The following DPP10 variants were observed in gnomAD, a reference collection of about 807,000 sequenced individuals.
DPP10 encodes inactive dipeptidyl peptidase 10.
DPP10 carries 33 observed loss-of-function variants against 120.9 expected under a neutral mutation model. The ratio of observed to expected loss-of-function variants is 0.27; its 90% CI spans 0.21 to 0.37. The LOEUF (loss-of-function observed/expected upper bound fraction) is 0.37, where lower values mean the gene tolerates loss of function less well. Ranked by LOEUF, DPP10 falls within the 10% of genes least tolerant of loss-of-function variation. DPP10 has a pLI of 1.00. For synonymous variants in DPP10, 337 were observed against 326.1 expected (o/e 1.03, Z -0.36); for missense variants, 816 against 942.8 (o/e 0.87, Z 1.76).
chr2:115,581,979 C>T (rs558976621), intron 5 of DPP10, among the ~76,000 whole-genome samples: 1 of 152,212 alleles, frequency 6.6e-6, no homozygotes, highest in African/African-American at 2.4e-5. Context: ...GGACAGAAGG[C>T]AGAGTGAGAG....
chr2:114,886,011 A>G (rs1027933383), intron 1 of DPP10, among the ~76,000 whole-genome samples: 1 of 152,230 alleles, frequency 6.6e-6, no homozygotes. Context: ...TGGAGCTGTT[A>G]TCATTAATGT....
intron 1 of DPP10, among the ~76,000 whole-genome samples, chr2:114,900,903 T>C (rs530650045): frequency 6.6e-6 from 1 of 152,304 alleles, no homozygotes; most frequent in African/African-American, 2.4e-5. Flanking sequence ...TGAAAAAAAC[T>C]ATGCATGTAT....
chr2:115,732,590 G>A (rs1208441397), intron 8 of DPP10, among the ~76,000 whole-genome samples: 1 of 151,994 alleles, frequency 6.6e-6, no homozygotes, highest in Non-Finnish European at 1.5e-5. Context: ...AATTAAATAC[G>A]ATATCAGATC....
At chr2:115,656,386 T>G (rs1172578766) in intron 5 of DPP10, among the ~76,000 whole-genome samples, 1 of 151,614 alleles carries the variant, frequency 6.6e-6, no homozygotes, top group Non-Finnish European at 1.5e-5. Flanking sequence ...GGTGCTAATT[T>G]TTTTTTATTC....
intron 5 of DPP10, among the ~76,000 whole-genome samples, chr2:115,617,289 T>TATATATATAC (rs67359999): frequency 0.33 from 44,147 of 135,450 alleles, 8,786 homozygotes; most frequent in Non-Finnish European, 0.44. Context: ...TATATATATA[T>TATATATATAC]ACACACATAG....
chr2:115,835,341 AG>A (rs1478967428), intron 21 of DPP10, among the ~76,000 whole-genome samples: 2 of 152,184 alleles, frequency 1.3e-5, no homozygotes, highest in African/African-American at 4.8e-5. Flanking sequence ...GACCAGGAAA[AG>A]CAAAACACAA....
At chr2:114,651,089 GC>G (rs1372909610) in intron 1 of DPP10, among the ~76,000 whole-genome samples, 4 of 152,086 alleles carry the variant, frequency 2.6e-5, no homozygotes, top group Non-Finnish European at 4.4e-5. Context: ...TCACCTAAAT[GC>G]CCTCCTTTCT....
At chr2:114,670,082 C>G (rs1201479551) in intron 1 of DPP10, among the ~76,000 whole-genome samples, 3 of 152,236 alleles carry the variant, frequency 2.0e-5, no homozygotes, top group African/African-American at 7.2e-5. Flanking sequence ...GGACTGTAAA[C>G]TAGTTCAACC....
At position 115,845,135 on chromosome 2, in the gene DPP10, A is replaced by G. The variant is rs1393595896; in HGVS notation, c.*2790A>G. 2 of 152,140 alleles carry G rather than the reference A, an allele frequency of 1.3e-5. No homozygotes were observed. The highest frequency in any genetic ancestry group is 2.4e-5 in the African/African-American group (1 of 41,416). 9.4% of individuals were successfully genotyped at this position (152,140 alleles called of 1,614,324 possible). On this transcript the variant is annotated 3_prime_UTR_variant, in exon 26 of 26. Coordinates refer to ENST00000410059, the MANE Select transcript of DPP10 (RefSeq NM_020868.6). The stretch of plus-strand genomic sequence containing the variant: ...GAATTACTTAAGCCATTGTCCTTCA[A>G]ATGTTGGGCTTGGAGACAGAAGTAC...
At chr2:114,610,170 A>G (rs1693168424) in intron 1 of DPP10, among the ~76,000 whole-genome samples, 1 of 151,966 alleles carries the variant, frequency 6.6e-6, no homozygotes, top group African/African-American at 2.4e-5. Flanking sequence ...GCTTCCCCAC[A>G]TTGTTTTTCT....
At chr2:115,666,391 C>G (rs1464995089) in intron 5 of DPP10, among the ~76,000 whole-genome samples, 1 of 152,110 alleles carries the variant, frequency 6.6e-6, no homozygotes, top group Non-Finnish European at 1.5e-5. Context: ...ATCATCAGAT[C>G]TCATGAGAAC....
intron 3 of DPP10, among the ~76,000 whole-genome samples, chr2:115,359,788 TC>T (rs1329596669): frequency 6.6e-6 from 1 of 152,164 alleles, no homozygotes; most frequent in Non-Finnish European, 1.5e-5. Flanking sequence ...ACCCTGTATT[TC>T]TTGGAGGTTT....
Position 114,882,471 on chromosome 2 carries a change from A to T in DPP10, c.61-426768A>T, listed in dbSNP as rs563929217. Among the ~76,000 whole-genome samples, 3 of 152,008 alleles carry T rather than the reference A, an allele frequency of 2.0e-5. No homozygotes were observed. In the South Asian group the frequency reaches 6.3e-4, roughly 32 times the overall value. On this transcript the variant is annotated intron_variant, in intron 1 of 25. Coordinates refer to ENST00000410059, the MANE Select transcript of DPP10 (RefSeq NM_020868.6). ...AGCTAAGCTATGGGGATGTAAAGGC[A>T]TAAGAATAATGTAATGGACTTTGGG...
At chr2:115,573,953 T>A (rs1387191508) in intron 5 of DPP10, among the ~76,000 whole-genome samples, 1 of 152,178 alleles carries the variant, frequency 6.6e-6, no homozygotes, top group East Asian at 1.9e-4. Context: ...GCTGGCCTGG[T>A]TCTCTACTCT....
intron 1 of DPP10, among the ~76,000 whole-genome samples, chr2:114,814,819 T>C (rs1269115829): frequency 6.6e-6 from 1 of 152,230 alleles, no homozygotes; most frequent in Non-Finnish European, 1.5e-5. Flanking sequence ...GATCCTGTCA[T>C]GGTTCTCAGT....
At chr2:115,691,319 T>C (rs1559036210) in intron 7 of DPP10, among the ~76,000 whole-genome samples, 1 of 152,298 alleles carries the variant, frequency 6.6e-6, no homozygotes, top group East Asian at 1.9e-4. Flanking sequence ...AATGAAATCA[T>C]ACTTCTCTAG....
rs2148771479 is a variant in DPP10, at chr2:115,496,451, A to G, written c.272-3059A>G. 1.3e-5 allele frequency among the ~76,000 whole-genome samples: 2 copies of G among 152,234 alleles called. 1 individual carries two copies. The highest frequency in any genetic ancestry group is 4.8e-5 in the African/African-American group (2 of 41,562). ...CTTTAAATAAACTGATATTAAGTGTAGTCTTTATCTTTTCAAACAAGCTTC... is the reference window on the plus strand; with the variant it reads ...CTTTAAATAAACTGATATTAAGTGTGGTCTTTATCTTTTCAAACAAGCTTC... On this transcript the variant is annotated intron_variant, in intron 3 of 25. Coordinates refer to ENST00000410059, the MANE Select transcript of DPP10 (RefSeq NM_020868.6).
In DPP10 at chr2:115,836,717, A is replaced by G. The variant is rs780215009; in HGVS notation, c.2153A>G (p.Asn718Ser). ...AATGTTCATGGCTTGAAAGAAGAAA[A>G]TATATTAATAATTCATGGAACTGCT... Reference protein sequence around the residue: ...LHNVHGLKEENILIIHGTADT... With the variant: ...LHNVHGLKEESILIIHGTADT... Residue 718 changes from asparagine (N) to serine (S), a missense_variant, in exon 24 of 26, where the codon AAT becomes AGT. This residue lies in a region of DPP10 where 592 missense variants were observed against 649.0 expected (regional missense o/e 0.91). Coordinates refer to ENST00000410059, the MANE Select transcript of DPP10 (RefSeq NM_020868.6). 14 of 1,613,192 alleles carry G rather than the reference A, an allele frequency of 8.7e-6. No individual in the cohort carries two copies. In the South Asian group the frequency reaches 1.4e-4, roughly 16 times the overall value.
At chr2:114,748,329 G>C (rs1205146737) in intron 1 of DPP10, among the ~76,000 whole-genome samples, 1 of 135,276 alleles carries the variant, frequency 7.4e-6, no homozygotes, top group Admixed American at 7.4e-5. Context: ...GTAGGACAAA[G>C]GGAATTTTCT....
Sources: gnomAD v4.1 joint callset for allele counts (sites outside exome capture counted in the v4.1 genomes callset) on GRCh38, gnomAD v4.1.1 for gene constraint, gnomAD v4.1.1 regional missense constraint, MANE v1.5 for transcripts, NCBI Gene and HGNC (gene_info 2026-07-23, HGNC 2026-07-21) for gene names.